CRACR2B: variants seen among roughly 807,000 people sequenced by gnomAD.
CRACR2B encodes EF-hand calcium-binding domain-containing protein 4A.
A neutral mutation model predicts 46.0 loss-of-function variants in CRACR2B; 50 were observed. That is an observed-to-expected ratio of 1.09 (90% CI 0.87 to 1.38). CRACR2B has a LOEUF of 1.38. CRACR2B is among the 40% of genes most tolerant of loss of function. The pLI is 0.00. For synonymous variants in CRACR2B, 277 were observed against 239.6 expected, an observed-to-expected ratio of 1.16 and a Z score of -1.44; for missense variants, 667 against 535.0, an observed-to-expected ratio of 1.25 and a Z score of -2.43.
At chr11:829,792 C>G in intron 3 of CRACR2B, 194 bp from the exon 4 acceptor site, 2 of 1,181,930 alleles carry the variant, frequency 1.7e-6, no homozygotes, top group Middle Eastern at 2.9e-4. Context: ...CCGGCACTGC[C>G]CAGGGTACAC....
Position 828,669 on chromosome 11 carries a change from G to T in CRACR2B, c.62G>T (p.Gly21Val), listed in dbSNP as rs748514649. ...CAGGAGGAGGAGGGGGAACTCGAGGGGGGCTCTGCAGGGCCGCGGGCTGCA... is the reference window on the plus strand; with the variant it reads ...CAGGAGGAGGAGGGGGAACTCGAGGTGGGCTCTGCAGGGCCGCGGGCTGCA... Reference protein sequence around the residue: ...EAQEEEGELEGGSAGPRAAIL... With the variant: ...EAQEEEGELEVGSAGPRAAIL... Residue 21 changes from glycine to valine, a missense_variant, in exon 1 of 9, where the codon GGG becomes GTG. Gly to Val is a moderately radical substitution (Grantham distance 109). Transcript: ENST00000525077. The T allele has an allele frequency of 1.2e-6, 2 of 1,608,866 alleles. No homozygotes were observed. Among genetic ancestry groups the T allele is most frequent in the African/African-American group, 1.3e-5 (1 of 74,712 alleles).
rs553411358 is a variant in CRACR2B at position 828,686 on chromosome 11, C to A, written c.79C>A (p.Arg27=). 2.5e-6 allele frequency: 4 copies of A among 1,611,480 alleles called. No individual in the cohort carries two copies. The highest frequency in any genetic ancestry group is 4.5e-5 in the East Asian group (2 of 44,874). Residue 27 remains arginine, a synonymous_variant, in exon 1 of 9, where the codon CGG becomes AGG. Transcript: ENST00000525077. ...ACTCGAGGGGGGCTCTGCAGGGCCGCGGGCTGCAATACTGGAGCAGGCTGA... is the reference window on the plus strand; with the variant it reads ...ACTCGAGGGGGGCTCTGCAGGGCCGAGGGCTGCAATACTGGAGCAGGCTGA... ...GELEGGSAGP[R]AAILEQAEEL...
chr11:828,506 C>T lies in CRACR2B; in HGVS notation c.-102C>T. 1.5e-6 allele frequency: 2 copies of T among 1,376,726 alleles called. No homozygotes were observed. The highest frequency in any genetic ancestry group is 1.9e-6 in the Non-Finnish European group (2 of 1,047,596). 85.3% of individuals were successfully genotyped at this position (1,376,726 alleles called of 1,614,324 possible). On this transcript the variant is annotated 5_prime_UTR_variant, in exon 1 of 9. Transcript: ENST00000525077. Reference sequence around the variant, plus strand: ...GCTGCAGGGAGGGCCCTCGGCTGAGCCTTCAGACACACTTGCACCCCATCC... The same window carrying T: ...GCTGCAGGGAGGGCCCTCGGCTGAGTCTTCAGACACACTTGCACCCCATCC...
At chr11:829,631 C>A in intron 3 of CRACR2B, 91 bp downstream of exon 3, 1 of 1,347,934 alleles carries the variant, frequency 7.4e-7, no homozygotes, top group Non-Finnish European at 9.9e-7. Flanking sequence ...GCTGGTTCTG[C>A]ACAGGGTCTC....
chr11:831,980 G>C lies in CRACR2B; in HGVS notation c.*271G>C, dbSNP rs1846490762. Reference sequence around the variant, plus strand: ...ACCCCCTCGTCAAATAAAACCCACTGACTGCACTGCGTCCTCCTGGGCCTT... The same window carrying C: ...ACCCCCTCGTCAAATAAAACCCACTCACTGCACTGCGTCCTCCTGGGCCTT... On this transcript the variant is annotated 3_prime_UTR_variant, in exon 9 of 9. Transcript: ENST00000525077. 1 of 484,442 alleles carries C rather than the reference G, an allele frequency of 2.1e-6. No homozygotes were observed. Among genetic ancestry groups the C allele is most frequent in the African/African-American group, 2.0e-5 (1 of 49,026 alleles). The allele number at this position is 484,442 out of a possible 1,614,324, so 30.0% of individuals were successfully genotyped here.
upstream of CRACR2B, among the ~76,000 whole-genome samples, chr11:826,826 T>C (rs1845935023): frequency 6.6e-6 from 1 of 152,236 alleles, no homozygotes; most frequent in Non-Finnish European, 1.5e-5. Flanking sequence ...ACATGTTTAT[T>C]GTTTAAAAAC....
At chr11:829,751 G>A (rs914209885) in intron 3 of CRACR2B, 150 of 1,007,338 alleles carry the variant, frequency 1.5e-4, no homozygotes, top group Non-Finnish European at 2.0e-4. Context: ...GCTGCAGGGA[G>A]GAGGGGCAGC....
upstream of CRACR2B, chr11:827,656 T>C: frequency 2.0e-6 from 1 of 512,384 alleles, no homozygotes; most frequent in Non-Finnish European, 2.5e-6. Flanking sequence ...TGGCCTCTCG[T>C]GTCCCCTTCT....
intron 8 of CRACR2B, 93 bp downstream of exon 8, chr11:831,388 T>C (rs35641024): frequency 1.3e-6 from 2 of 1,504,934 alleles, no homozygotes; most frequent in Middle Eastern, 1.8e-4. Flanking sequence ...TCTACTCCAT[T>C]GGAAGTCCTT....
chr11:830,794 AGCC>A (rs1846349314), intron 6 of CRACR2B, 69 bp from the exon 7 acceptor site: 11 of 1,481,984 alleles, frequency 7.4e-6, no homozygotes, highest in Non-Finnish European at 9.8e-6. Flanking sequence ...GGTTGTCGGG[AGCC>A]TGGGGCACGC....
At position 831,666 on chromosome 11, in the gene CRACR2B, G is replaced by C. The variant is rs765613129; in HGVS notation, c.1157G>C (p.Arg386Pro). Residue 386 changes from arginine (R) to proline (P), a missense_variant, in exon 9 of 9, where the codon CGG (arginine) becomes CCG (proline). Transcript: ENST00000525077. ...PTCCCCCCWA[R>P]PPRRGSGHLP... is the part of the protein sequence containing the mutation. The stretch of plus-strand genomic sequence containing the variant: ...TGCTGCTGCTGCTGTTGCTGGGCTC[G>C]GCCCCCCAGACGCGGCTCTGGCCAC... The C allele has an allele frequency of 2.1e-5, 32 of 1,536,566 alleles. No homozygotes were observed. The highest frequency in any genetic ancestry group is 2.7e-5 in the Non-Finnish European group (31 of 1,147,802).
At chr11:829,866 G>T in intron 3 of CRACR2B, 120 bp from the exon 4 acceptor site, 1 of 1,431,700 alleles carries the variant, frequency 7.0e-7, no homozygotes, top group Non-Finnish European at 9.1e-7. Flanking sequence ...TGCCCTGCAC[G>T]CAGCAAGTGC....
upstream of CRACR2B, chr11:827,629 C>G: frequency 1.3e-6 from 1 of 791,586 alleles, no homozygotes; most frequent in Non-Finnish European, 1.5e-6. Flanking sequence ...AACAACGTGG[C>G]CTGGAGGCAA....
intron 3 of CRACR2B, 152 bp downstream of exon 3, chr11:829,692 C>G (rs1411411952): frequency 9.4e-7 from 1 of 1,063,524 alleles, no homozygotes; most frequent in African/African-American, 1.6e-5. Flanking sequence ...CTGGGAGGGA[C>G]CCGGCATGAT....
Position 830,678 on chromosome 11 carries a change from C to A in CRACR2B, c.751C>A (p.Gln251Lys). The A allele has an allele frequency of 6.5e-7, 1 of 1,545,350 alleles. No individual in the cohort carries two copies. The highest frequency in any genetic ancestry group is 1.4e-5 in the African/African-American group (1 of 73,080). The change falls in exon 6 of 9, where the codon CAG becomes AAG. Residue 251 changes from glutamine (Q) to lysine (K), a missense_variant. Coordinates refer to ENST00000525077, the MANE Select transcript of CRACR2B (RefSeq NM_001286606.2). ...GGAGCTGGAGCTGCAGAGCCGCGAG[C>A]AGGACCTGGAACGCGCGGGCCTGCG... ...RLELELQSREQDLERAGLRQR... is the reference protein window; with the variant it reads ...RLELELQSREKDLERAGLRQR...
intron 8 of CRACR2B, 45 bp from the exon 9 acceptor site, chr11:831,490 T>C (rs756352903): frequency 8.5e-6 from 13 of 1,526,968 alleles, no homozygotes; most frequent in Non-Finnish European, 1.1e-5. Context: ...CCCCCCACCT[T>C]GAGCTCCCTC....
At chr11:826,724 C>A (rs1845925839), upstream of CRACR2B, among the ~76,000 whole-genome samples, 1 of 151,990 alleles carries the variant, frequency 6.6e-6, no homozygotes, top group Non-Finnish European at 1.5e-5. Flanking sequence ...GGGGTTTCGC[C>A]ATGTTGGGCA....
chr11:829,132 T>A (rs755868854), intron 2 of CRACR2B, 169 bp downstream of exon 2: 3 of 1,237,068 alleles, frequency 2.4e-6, no homozygotes, highest in Non-Finnish European at 3.4e-6. Context: ...TGCGGTGGAG[T>A]GTGTGGAGCT....
chr11:827,135 G>A (rs568767347), upstream of CRACR2B: 1 of 152,224 alleles, frequency 6.6e-6, no homozygotes, highest in Admixed American at 6.5e-5. Context: ...AGGCGACAGC[G>A]GCGCAGAGTG....
Sources: allele counts gnomAD v4.1 joint callset (sites outside exome capture counted in the v4.1 genomes callset), GRCh38; gene constraint gnomAD v4.1.1; transcripts MANE v1.5; gene names NCBI Gene and HGNC (gene_info 2026-07-23, HGNC 2026-07-21).